Variants in CTNNA3 observed in about 807,000 individuals in gnomAD.
CTNNA3 encodes the protein catenin alpha-3.
A neutral mutation model predicts 95.7 loss-of-function variants in CTNNA3; 76 were observed. The observed-to-expected ratio is 0.79, with a 90% CI of 0.66 to 0.96. CTNNA3 has a LOEUF of 0.96. Among genes scored for constraint, CTNNA3 ranks in the 40% least tolerant of loss-of-function variants. CTNNA3 has a pLI of 0.00. For missense variants in CTNNA3, 1,191 were observed against 1,089.8 expected (o/e 1.09, Z -1.31); for synonymous variants, 431 against 374.4 (o/e 1.15, Z -1.74).
intron 2 of CTNNA3, among the ~76,000 whole-genome samples, chr10:67,646,514 A>G (rs892520550): frequency 1.3e-5 from 2 of 152,134 alleles, no homozygotes; most frequent in Non-Finnish European, 2.9e-5. Flanking sequence ...TACAACATGT[A>G]CAAATTGATA....
chr10:66,087,199 A>G (rs2081016488), intron 14 of CTNNA3, among the ~76,000 whole-genome samples: 2 of 152,012 alleles, frequency 1.3e-5, no homozygotes, highest in Admixed American at 1.3e-4. Flanking sequence ...ATCAAACACC[A>G]TCTCCTCAAG....
At chr10:66,841,444 A>G (rs1344682593) in intron 7 of CTNNA3, among the ~76,000 whole-genome samples, 1 of 152,230 alleles carries the variant, frequency 6.6e-6, no homozygotes, top group Non-Finnish European at 1.5e-5. Context: ...ATTCATTCAA[A>G]TGGATGATTG....
intron 11 of CTNNA3, among the ~76,000 whole-genome samples, chr10:66,480,108 A>G (rs1482767736): frequency 6.6e-6 from 1 of 152,164 alleles, no homozygotes; most frequent in Non-Finnish European, 1.5e-5. Flanking sequence ...CAAATGGAAA[A>G]TAGATCTGTT....
intron 10 of CTNNA3, among the ~76,000 whole-genome samples, chr10:66,606,491 C>A (rs143185478): frequency 6.6e-6 from 1 of 152,058 alleles, no homozygotes; most frequent in Admixed American, 6.6e-5. Context: ...ATGGCACATA[C>A]CCTGAAATAA....
chr10:67,344,068 T>A, intron 5 of CTNNA3, among the ~76,000 whole-genome samples: 1 of 151,728 alleles, frequency 6.6e-6, no homozygotes, highest in East Asian at 1.9e-4. Context: ...GAAATGCTTT[T>A]TCAGCATCAA....
At chr10:66,415,261 C>T (rs1162924771) in intron 11 of CTNNA3, among the ~76,000 whole-genome samples, 1 of 152,090 alleles carries the variant, frequency 6.6e-6, no homozygotes, top group East Asian at 1.9e-4. Flanking sequence ...GGGAATCTCC[C>T]AGTTTAGTTC....
At chr10:66,517,739 C>T (rs903982696) in intron 11 of CTNNA3, among the ~76,000 whole-genome samples, 13 of 152,028 alleles carry the variant, frequency 8.6e-5, no homozygotes, top group African/African-American at 2.2e-4. Context: ...TGCAGACTTA[C>T]CCCCAATTTT....
At chr10:67,679,757 A>G (rs1358945985) in intron 1 of CTNNA3, among the ~76,000 whole-genome samples, 1 of 152,222 alleles carries the variant, frequency 6.6e-6, no homozygotes, top group Non-Finnish European at 1.5e-5. Context: ...AGATAAAGAA[A>G]TGTGAGCTAT....
chr10:66,495,088 T>C (rs1840056691), intron 11 of CTNNA3, among the ~76,000 whole-genome samples: 1 of 152,168 alleles, frequency 6.6e-6, no homozygotes. Context: ...ATATTTGCCA[T>C]TGCACACCCC....
chr10:66,506,402 G>C (rs1589348640), intron 11 of CTNNA3, among the ~76,000 whole-genome samples: 1 of 151,854 alleles, frequency 6.6e-6, no homozygotes, highest in African/African-American at 2.4e-5. Flanking sequence ...CTTTTATACT[G>C]GCCAACTTGC....
intron 1 of CTNNA3, chr10:67,665,411 A>G (rs1165377283): frequency 6.6e-6 from 1 of 152,238 alleles, no homozygotes; most frequent in Non-Finnish European, 1.5e-5. Context: ...GTTTCTATTC[A>G]TCCCATTTTA....
At chr10:66,385,926 T>C (rs1189432674) in intron 11 of CTNNA3, among the ~76,000 whole-genome samples, 1 of 152,162 alleles carries the variant, frequency 6.6e-6, no homozygotes, top group East Asian at 1.9e-4. Flanking sequence ...AAACTAGGTA[T>C]TGATGGGACA....
chr10:66,235,900 T>C (rs1259566664), intron 13 of CTNNA3, among the ~76,000 whole-genome samples: 3 of 152,220 alleles, frequency 2.0e-5, no homozygotes, highest in Non-Finnish European at 2.9e-5. Context: ...CCATCTGTCC[T>C]ATTTTTTAAG....
Position 67,267,422 on chromosome 10 carries a change from T to C in CTNNA3, c.580-47552A>G, listed in dbSNP as rs1235226772. On this transcript the variant is annotated intron_variant, in intron 5 of 17. Transcript: ENST00000433211. The stretch of plus-strand genomic sequence containing the variant: ...CTCTGTTGCCCAGGCTGGAGTGCAG[T>C]GGCACGATCTTGGCTCACTGCAAGC... Among the ~76,000 whole-genome samples, 4 of 152,334 alleles carry C rather than the reference T, an allele frequency of 2.6e-5. No homozygotes were observed. The East Asian group carries it at 7.7e-4, about 29-fold the overall frequency.
At chr10:66,775,943 A>G (rs1840278135) in intron 7 of CTNNA3, among the ~76,000 whole-genome samples, 1 of 152,210 alleles carries the variant, frequency 6.6e-6, no homozygotes, top group Non-Finnish European at 1.5e-5. Flanking sequence ...GCAGAGCCAT[A>G]TTGGAATTTT....
At chr10:67,232,459 C>G (rs866717799) in intron 5 of CTNNA3, among the ~76,000 whole-genome samples, 1,545 of 151,994 alleles carry the variant, frequency 0.01, 16 homozygotes, top group African/African-American at 0.024. Context: ...AGAAGCAAAT[C>G]CTGAGAGATT....
At chr10:66,456,051 C>T (rs146777557) in intron 11 of CTNNA3, among the ~76,000 whole-genome samples, 2 of 152,138 alleles carry the variant, frequency 1.3e-5, no homozygotes, top group Non-Finnish European at 2.9e-5. Context: ...TATCAAAGGG[C>T]CAAATAAATT....
At chr10:67,708,039 A>G (rs1421086453) in intron 1 of CTNNA3, among the ~76,000 whole-genome samples, 2 of 152,180 alleles carry the variant, frequency 1.3e-5, no homozygotes, top group African/African-American at 4.8e-5. Context: ...GGGTGAATTT[A>G]GTGCTAATGT....
At chr10:66,687,588 A>G (rs1047455539) in intron 9 of CTNNA3, among the ~76,000 whole-genome samples, 2 of 152,136 alleles carry the variant, frequency 1.3e-5, no homozygotes, top group Non-Finnish European at 2.9e-5. Context: ...AACAGGTGAT[A>G]AAATGAAGAA....
Sources: allele counts gnomAD v4.1 joint callset (sites outside exome capture counted in the v4.1 genomes callset), GRCh38; gene constraint gnomAD v4.1.1; transcripts MANE v1.5; gene names NCBI Gene and HGNC (gene_info 2026-07-23, HGNC 2026-07-21).